Variants in KCNH8 observed in about 807,000 individuals in gnomAD.
KCNH8 encodes voltage-gated delayed rectifier potassium channel KCNH8.
KCNH8 carries 70 observed loss-of-function variants against 103.6 expected under a neutral mutation model. The observed-to-expected ratio is 0.68, with a 90% CI of 0.56 to 0.82. The LOEUF (loss-of-function observed/expected upper bound fraction) is 0.82, where lower values mean the gene tolerates loss of function less well. KCNH8 is among the 40% of genes least tolerant of loss of function. KCNH8 has a pLI of 0.00. For missense variants in KCNH8, 1,217 were observed against 1,329.9 expected, an observed-to-expected ratio of 0.92 and a Z score of 1.32; for synonymous variants, 498 against 489.4, an observed-to-expected ratio of 1.02 and a Z score of -0.23.
intron 4 of KCNH8, chr3:19,346,606 A>G (rs1260156546): frequency 4.4e-6 from 2 of 456,260 alleles, no homozygotes; most frequent in Non-Finnish European, 8.8e-6. Flanking sequence ...GTCACCACTT[A>G]GAGCTAAATG....
chr3:19,211,743 A>G (rs1240600948), intron 1 of KCNH8, among the ~76,000 whole-genome samples: 1 of 152,148 alleles, frequency 6.6e-6, no homozygotes, highest in Non-Finnish European at 1.5e-5. Flanking sequence ...TTGATCTCAG[A>G]TCGCATTTAT....
At chr3:19,297,188 A>G (rs1396623715) in intron 3 of KCNH8, among the ~76,000 whole-genome samples, 2 of 152,196 alleles carry the variant, frequency 1.3e-5, no homozygotes, top group Non-Finnish European at 2.9e-5. Context: ...AGGGAAGAAT[A>G]GGGCAAAGCT....
At chr3:19,163,966 G>T (rs962190373) in intron 1 of KCNH8, among the ~76,000 whole-genome samples, 7 of 152,114 alleles carry the variant, frequency 4.6e-5, no homozygotes, top group Non-Finnish European at 1.0e-4. Flanking sequence ...TGTGTTATCA[G>T]TAAGACTTCC....
At chr3:19,516,981 T>C (rs1261837720) in intron 14 of KCNH8, among the ~76,000 whole-genome samples, 1 of 151,996 alleles carries the variant, frequency 6.6e-6, no homozygotes, top group Non-Finnish European at 1.5e-5. Flanking sequence ...TATAAGTTAT[T>C]TTACTTTTTT....
At chr3:19,481,664 A>G (rs983369474) in intron 11 of KCNH8, among the ~76,000 whole-genome samples, 4 of 152,232 alleles carry the variant, frequency 2.6e-5, no homozygotes, top group African/African-American at 7.2e-5. Flanking sequence ...TATGACACAG[A>G]AAAGGTTAAA....
Position 19,427,330 on chromosome 3 carries a change from A to C in KCNH8, c.1178-10834A>C, listed in dbSNP as rs1016211541. Among the ~76,000 whole-genome samples, 3 of 152,224 alleles carry C rather than the reference A, an allele frequency of 2.0e-5. 1 individual carries two copies. The highest frequency in any genetic ancestry group is 7.2e-5 in the African/African-American group (3 of 41,462). On this transcript the variant is annotated intron_variant, in intron 7 of 15. Transcript: ENST00000328405. ...TTTTTGTCCTTCTTTCCACTGTTTC[A>C]AATCCATTGAAAAGGCATTATAGTT...
intron 2 of KCNH8, among the ~76,000 whole-genome samples, chr3:19,267,856 C>G (rs550014277): frequency 3.3e-5 from 5 of 152,052 alleles, no homozygotes; most frequent in Non-Finnish European, 5.9e-5. Context: ...TTCAACTTCC[C>G]GAGCCTCAGT....
At chr3:19,288,481 T>C (rs2064869362) in intron 3 of KCNH8, among the ~76,000 whole-genome samples, 1 of 151,396 alleles carries the variant, frequency 6.6e-6, no homozygotes, top group African/African-American at 2.4e-5. Flanking sequence ...ACATATGGTG[T>C]TTGGTTTTTT....
chr3:19,527,255 G>C (rs2125251789), intron 15 of KCNH8, among the ~76,000 whole-genome samples: 1 of 152,136 alleles, frequency 6.6e-6, no homozygotes, highest in South Asian at 2.1e-4. Flanking sequence ...AATTGTTACT[G>C]GGAATGGCTT....
At chr3:19,323,182 G>A (rs1012655764) in intron 3 of KCNH8, among the ~76,000 whole-genome samples, 4 of 152,138 alleles carry the variant, frequency 2.6e-5, no homozygotes, top group African/African-American at 9.7e-5. Flanking sequence ...GCACACGGTG[G>A]CTCACGCCTG....
At chr3:19,520,007 T>TAACA (rs926504928) in intron 15 of KCNH8, among the ~76,000 whole-genome samples, 6 of 149,544 alleles carry the variant, frequency 4.0e-5, no homozygotes, top group Non-Finnish European at 8.9e-5. Flanking sequence ...GTAGATCCAT[T>TAACA]AACAAAAAAA....
intron 1 of KCNH8, among the ~76,000 whole-genome samples, chr3:19,170,810 A>ATATATTTTT (rs1553620146): frequency 1.3e-5 from 1 of 75,358 alleles, no homozygotes; most frequent in African/African-American, 5.2e-5. Context: ...ATATATATAT[A>ATATATTTTT]TTTTTTTTTT....
intron 3 of KCNH8, among the ~76,000 whole-genome samples, chr3:19,288,485 G>T (rs985399796): frequency 1.5e-4 from 22 of 151,626 alleles, no homozygotes; most frequent in African/African-American, 3.2e-4. Flanking sequence ...ATGGTGTTTG[G>T]TTTTTTGTCC....
At chr3:19,352,198 A>G (rs1417327214) in intron 5 of KCNH8, among the ~76,000 whole-genome samples, 1 of 152,196 alleles carries the variant, frequency 6.6e-6, no homozygotes, top group Non-Finnish European at 1.5e-5. Flanking sequence ...CTAAACATAT[A>G]TGCACACAAT....
At chr3:19,374,047 A>T (rs542305227) in intron 5 of KCNH8, among the ~76,000 whole-genome samples, 1,699 of 152,036 alleles carry the variant, frequency 0.011, 12 homozygotes, top group Non-Finnish European at 0.018. Flanking sequence ...TCAATTTTGG[A>T]ATAGGTGTGG....
At chr3:19,150,141 G>A (rs1351129313) in intron 1 of KCNH8, among the ~76,000 whole-genome samples, 2 of 152,108 alleles carry the variant, frequency 1.3e-5, no homozygotes, top group Non-Finnish European at 2.9e-5. Flanking sequence ...TGTGTTAGAT[G>A]TTATGTATGA....
intron 1 of KCNH8, among the ~76,000 whole-genome samples, chr3:19,164,693 CT>C (rs2063265452): frequency 6.6e-6 from 1 of 152,074 alleles, no homozygotes; most frequent in African/African-American, 2.4e-5. Flanking sequence ...TACTTACAAG[CT>C]ATTTTTATGC....
chr3:19,258,169 T>G (rs2064370961), intron 2 of KCNH8, among the ~76,000 whole-genome samples: 1 of 152,064 alleles, frequency 6.6e-6, no homozygotes, highest in South Asian at 2.1e-4. Flanking sequence ...GCAACATATC[T>G]TTTGGGGAAG....
At chr3:19,511,388 C>T (rs772738004) in intron 12 of KCNH8, among the ~76,000 whole-genome samples, 1 of 152,062 alleles carries the variant, frequency 6.6e-6, no homozygotes, top group African/African-American at 2.4e-5. Context: ...AAATACTTGA[C>T]AGGTTATTAG....
Sources: gnomAD v4.1 joint callset for allele counts (sites outside exome capture counted in the v4.1 genomes callset) on GRCh38, gnomAD v4.1.1 for gene constraint, MANE v1.5 for transcripts, NCBI Gene and HGNC (gene_info 2026-07-23, HGNC 2026-07-21) for gene names.